Variants in CSMD3 observed in about 807,000 individuals in gnomAD.
CSMD3 encodes the protein CUB and Sushi multiple domains 3, also known as CUB and sushi domain-containing protein 3.
A neutral mutation model predicts 435.2 loss-of-function variants in CSMD3; 177 were observed. The observed-to-expected ratio is 0.41, with a 90% CI of 0.36 to 0.46. The LOEUF is 0.46. Among genes scored for constraint, CSMD3 ranks in the 20% least tolerant of loss-of-function variants. CSMD3 has a pLI of 0.34. For synonymous variants in CSMD3, 1,656 were observed against 1,520.5 expected (o/e 1.09, Z -2.07); for missense variants, 4,265 against 4,504.6 (o/e 0.95, Z 1.52).
chr8:112,769,047 T>G (rs1211190801), intron 13 of CSMD3, among the ~76,000 whole-genome samples: 1 of 151,924 alleles, frequency 6.6e-6, no homozygotes, highest in East Asian at 1.9e-4. Flanking sequence ...TAAAACATAA[T>G]TTTTGAATTG....
chr8:112,693,915 A>C (rs534818886), intron 13 of CSMD3, among the ~76,000 whole-genome samples: 1 of 151,702 alleles, frequency 6.6e-6, no homozygotes, highest in Non-Finnish European at 1.5e-5. Flanking sequence ...ACATTTATAT[A>C]TTTATATATT....
intron 17 of CSMD3, among the ~76,000 whole-genome samples, chr8:112,663,965 G>A (rs981341881): frequency 6.6e-6 from 1 of 152,040 alleles, no homozygotes; most frequent in Non-Finnish European, 1.5e-5. Flanking sequence ...GAAGGAGAGA[G>A]TAGGTTTCCC....
At chr8:113,310,458 C>T (rs920829488) in intron 2 of CSMD3, 6 of 151,222 alleles carry the variant, frequency 4.0e-5, no homozygotes, top group Non-Finnish European at 5.9e-5. Context: ...ATTTTTGTCA[C>T]AAAAAGGAAA....
intron 59 of CSMD3, among the ~76,000 whole-genome samples, chr8:112,267,409 C>T (rs1817052512): frequency 6.6e-6 from 1 of 151,914 alleles, no homozygotes; most frequent in African/African-American, 2.4e-5. Context: ...TTTAATGATA[C>T]AACTGAGTTG....
chr8:112,319,675 C>T (rs908532184), intron 46 of CSMD3, among the ~76,000 whole-genome samples: 26 of 152,118 alleles, frequency 1.7e-4, no homozygotes, highest in African/African-American at 5.8e-4. Flanking sequence ...AATTTTAACA[C>T]GTTTTCTTAT....
At chr8:112,838,046 T>A (rs1406722367) in intron 11 of CSMD3, among the ~76,000 whole-genome samples, 1 of 151,566 alleles carries the variant, frequency 6.6e-6, no homozygotes, top group African/African-American at 2.4e-5. Context: ...TACCCTGTGT[T>A]GATTGCTTTG....
At chr8:112,891,469 G>A (rs1294152574) in intron 10 of CSMD3, among the ~76,000 whole-genome samples, 4 of 151,570 alleles carry the variant, frequency 2.6e-5, no homozygotes, top group Non-Finnish European at 3.0e-5. Flanking sequence ...CTGGGCAGAT[G>A]TTTTTTGGAG....
chr8:113,305,344 T>C (rs180952146), intron 2 of CSMD3, among the ~76,000 whole-genome samples: 4 of 152,300 alleles, frequency 2.6e-5, no homozygotes, highest in Non-Finnish European at 4.4e-5. Context: ...TGAATGTTTA[T>C]GGAGCGTGAG....
intron 2 of CSMD3, among the ~76,000 whole-genome samples, chr8:113,287,341 A>C (rs985076400): frequency 9.9e-5 from 15 of 152,212 alleles, no homozygotes; most frequent in Admixed American, 9.8e-4. Flanking sequence ...TTAATGTCAC[A>C]ATAAACAAGA....
chr8:112,954,389 A>G (rs2083935072), intron 8 of CSMD3, among the ~76,000 whole-genome samples: 1 of 151,588 alleles, frequency 6.6e-6, no homozygotes, highest in Admixed American at 6.6e-5. Context: ...CTCACCTTCT[A>G]GAACTAAACT....
intron 13 of CSMD3, among the ~76,000 whole-genome samples, chr8:112,706,413 A>G (rs1054536730): frequency 6.6e-6 from 1 of 152,110 alleles, no homozygotes; most frequent in Non-Finnish European, 1.5e-5. Context: ...GAAAAAAAAT[A>G]AACAATTCTG....
chr8:113,228,517 C>G (rs917698146), intron 3 of CSMD3, among the ~76,000 whole-genome samples: 1 of 151,316 alleles, frequency 6.6e-6, no homozygotes, highest in African/African-American at 2.4e-5. Context: ...ATATCATACT[C>G]ACAGAATGCC....
chr8:112,656,121 A>G (rs773781630), intron 18 of CSMD3, 33 bp downstream of exon 18: 2 of 1,156,998 alleles, frequency 1.7e-6, no homozygotes, highest in Non-Finnish European at 2.6e-6. Flanking sequence ...GGCAAACAGA[A>G]TGAGGAAATC....
intron 1 of CSMD3, among the ~76,000 whole-genome samples, chr8:113,412,798 A>T (rs777034634): frequency 6.8e-6 from 1 of 146,834 alleles, no homozygotes; most frequent in Non-Finnish European, 1.5e-5. Flanking sequence ...TCTAGAAGAC[A>T]ATGTTACAGG....
intron 3 of CSMD3, among the ~76,000 whole-genome samples, chr8:113,276,544 T>C (rs899127476): frequency 1.3e-5 from 2 of 152,008 alleles, no homozygotes; most frequent in African/African-American, 4.8e-5. Flanking sequence ...CTTGAAGAAC[T>C]GGATCTTGCT....
At chr8:113,326,572 T>C (rs939762222) in intron 1 of CSMD3, among the ~76,000 whole-genome samples, 2 of 152,268 alleles carry the variant, frequency 1.3e-5, no homozygotes, top group African/African-American at 4.8e-5. Context: ...AAGTACATAT[T>C]AGTACGCTCT....
intron 13 of CSMD3, among the ~76,000 whole-genome samples, chr8:112,790,737 A>G (rs1392977894): frequency 6.6e-6 from 1 of 152,162 alleles, no homozygotes; most frequent in Non-Finnish European, 1.5e-5. Flanking sequence ...AATTGTGAGA[A>G]TATTTTCTTC....
intron 39 of CSMD3, 97 bp from the exon 40 acceptor site, chr8:112,351,341 C>T: frequency 1.2e-6 from 1 of 813,180 alleles, no homozygotes; most frequent in Non-Finnish European, 2.1e-6. Context: ...AGCTTAAGTA[C>T]ATGGCTTTAT....
At chr8:112,399,683 C>T (rs1323118713) in intron 35 of CSMD3, among the ~76,000 whole-genome samples, 2 of 152,132 alleles carry the variant, frequency 1.3e-5, no homozygotes, top group Non-Finnish European at 1.5e-5. Context: ...TAAAGTTTTA[C>T]CTTCTAGAAA....
Sources: gnomAD v4.1 joint callset for allele counts (sites outside exome capture counted in the v4.1 genomes callset) on GRCh38, gnomAD v4.1.1 for gene constraint, MANE v1.5 for transcripts, NCBI Gene and HGNC (gene_info 2026-07-23, HGNC 2026-07-21) for gene names.